The following RSPH3 variants were observed in gnomAD, a reference collection of about 807,000 sequenced individuals.
The protein encoded by RSPH3 is radial spoke head protein 3 homolog.
RSPH3 carries 21 observed loss-of-function variants against 43.8 expected under a neutral mutation model. The observed-to-expected ratio is 0.48, with a 90% CI of 0.34 to 0.69. RSPH3 has a LOEUF of 0.69. RSPH3 is among the 30% of genes least tolerant of loss of function. RSPH3 has a pLI of 0.01. For missense variants in RSPH3, 487 were observed against 516.0 expected, an observed-to-expected ratio of 0.94 and a Z score of 0.54; for synonymous variants, 173 against 179.8, an observed-to-expected ratio of 0.96 and a Z score of 0.30.
At position 158,993,929 on chromosome 6, in the gene RSPH3, G is replaced by A. The variant is rs757465736; in HGVS notation, c.117-3C>T. 1 of 1,580,794 alleles carries A rather than the reference G, an allele frequency of 6.3e-7. No homozygotes were observed. The highest frequency in any genetic ancestry group is 1.3e-5 in the African/African-American group (1 of 74,110). ...CATAATGCATAGGTTCTTCATCTCTGTAAAACAGAAAATTCTGTATAACCA... is the reference window on the plus strand; with the variant it reads ...CATAATGCATAGGTTCTTCATCTCTATAAAACAGAAAATTCTGTATAACCA... On this transcript the variant is annotated splice_region_variant and splice_polypyrimidine_tract_variant and intron_variant, in intron 1 of 7. Coordinates refer to ENST00000367069, the MANE Select transcript of RSPH3 (RefSeq NM_031924.8).
the RSPH3 span, among the ~76,000 whole-genome samples, chr6:158,966,887 G>A: frequency 0.018 from 2,724 of 151,086 alleles, 35 homozygotes; most frequent in Middle Eastern, 0.024. Context: ...TCTTCTTTTC[G>A]TTTTTTAAGG....
In RSPH3 at chr6:158,986,327, T is replaced by C; in HGVS notation, c.299A>G (p.Gln100Arg). The stretch of plus-strand genomic sequence containing the variant: ...TCTGCCTTCCACAGGTTCAGGTGTT[T>C]GTGGTCTGAGCTGCTCTTGGGCTTG... Reference protein sequence around the residue: ...RKQAQEQLRPQTPEPVEGRKH... With the variant: ...RKQAQEQLRPRTPEPVEGRKH... Residue 100 changes from glutamine to arginine, a missense_variant, in exon 3 of 8, where the codon CAA becomes CGA. Coordinates refer to ENST00000367069, the MANE Select transcript of RSPH3 (RefSeq NM_031924.8). The C allele has an allele frequency of 1.9e-6, 3 of 1,614,218 alleles. No individual in the cohort carries two copies. The highest frequency in any genetic ancestry group is 2.5e-6 in the Non-Finnish European group (3 of 1,180,032).
In RSPH3 at chr6:158,986,403, G is replaced by A. The variant is rs1162555000; in HGVS notation, c.223C>T (p.Leu75=). 6.2e-7 allele frequency: 1 copy of A among 1,613,706 alleles called. No individual in the cohort carries two copies. The highest frequency in any genetic ancestry group is 1.1e-5 in the South Asian group (1 of 91,022). ...GCCTCCCGTTGTCTCTGGAGCTCTA[G>A]AGAATCAGGCCGTCCGAGCTAACAG... ...TGPLLGRPDS[L]ELQRQREARK... Residue 75 remains leucine, a synonymous_variant, in exon 3 of 8, where the codon CTA becomes TTA. Transcript: ENST00000367069.
intron 4 of RSPH3, 142 bp downstream of exon 4, chr6:158,983,520 C>G: frequency 1.4e-6 from 1 of 719,956 alleles, no homozygotes; most frequent in Non-Finnish European, 2.5e-6. Flanking sequence ...TATGATAAAA[C>G]CATTATAGAT....
At chr6:158,968,010 A>C (rs954368798), downstream of RSPH3, among the ~76,000 whole-genome samples, 1 of 152,196 alleles carries the variant, frequency 6.6e-6, no homozygotes. Flanking sequence ...ATTTTTAATA[A>C]AAACCCTCAT....
Position 158,986,149 on chromosome 6 carries a change from C to T in RSPH3, c.346+131G>A, listed in dbSNP as rs1778231119. ...GTATTTCTTTAATAAAGGAACTTCC[C>T]TACCATGTGATCGGGGAAGTATCAG... On this transcript the variant is annotated intron_variant, in intron 3 of 7. Transcript: ENST00000367069. 3.4e-6 allele frequency: 3 copies of T among 888,486 alleles called. No individual in the cohort carries two copies. In the South Asian group the frequency reaches 5.3e-5, roughly 16 times the overall value. 55.0% of individuals were successfully genotyped at this position (888,486 alleles called of 1,614,324 possible).
intron 1 of RSPH3, among the ~76,000 whole-genome samples, chr6:158,997,100 T>C (rs1380628915): frequency 6.6e-6 from 1 of 152,062 alleles, no homozygotes; most frequent in Non-Finnish European, 1.5e-5. Context: ...CATCATGTTA[T>C]GAAACAACAA....
chr6:158,990,073 C>T (rs2128609169), intron 2 of RSPH3, among the ~76,000 whole-genome samples: 1 of 152,324 alleles, frequency 6.6e-6, no homozygotes, highest in South Asian at 2.1e-4. Context: ...ACACTGAACT[C>T]CAAGTTCTTC....
chr6:158,992,149 C>T (rs3127180), intron 2 of RSPH3, among the ~76,000 whole-genome samples: 75,367 of 150,458 alleles, frequency 0.5, 20,174 homozygotes, highest in South Asian at 0.61. Context: ...AACATTCTCT[C>T]TAACGTGGAT....
Position 159,000,043 on chromosome 6 carries a change from G to C in RSPH3, c.-493C>G. On this transcript the variant is annotated 5_prime_UTR_variant, in exon 1 of 8. Transcript: ENST00000367069. ...CTTTGGAATGTGGCTTTGCAGGGCT[G>C]GTGTTGGCGCCATTCTCGCAGGCCC... 6.8e-7 allele frequency: 1 copy of C among 1,462,478 alleles called. No homozygotes were observed. The highest frequency in any genetic ancestry group is 1.4e-5 in the African/African-American group (1 of 70,686). 90.6% of individuals were successfully genotyped at this position (1,462,478 alleles called of 1,614,324 possible).
rs555642047 is a variant in RSPH3, at chr6:158,985,269, C to T, written c.346+1011G>A. 1.8e-4 allele frequency among the ~76,000 whole-genome samples: 27 copies of T among 152,248 alleles called. No homozygotes were observed. The South Asian group carries it at 3.9e-3, about 22-fold the overall frequency. On this transcript the variant is annotated intron_variant, in intron 3 of 7. Coordinates refer to ENST00000367069, the MANE Select transcript of RSPH3 (RefSeq NM_031924.8). ...AGAAGAGGCTGGTGTGAGAGGCAGACGACTCAGATGGGAGTGGGTTTACTA... is the reference window on the plus strand; with the variant it reads ...AGAAGAGGCTGGTGTGAGAGGCAGATGACTCAGATGGGAGTGGGTTTACTA...
intron 2 of RSPH3, among the ~76,000 whole-genome samples, chr6:158,992,347 A>C (rs1778441610): frequency 2.6e-5 from 4 of 151,838 alleles, no homozygotes; most frequent in Admixed American, 2.0e-4. Flanking sequence ...TGGTGTGATC[A>C]CAGCTCACTG....
At position 158,980,406 on chromosome 6, in the gene RSPH3, G is replaced by A. The variant is rs982497591; in HGVS notation, c.859+368C>T. On this transcript the variant is annotated intron_variant, in intron 6 of 7. Transcript: ENST00000367069. The stretch of plus-strand genomic sequence containing the variant: ...ATTGCGCCACTACACTCCATCCTGG[G>A]CAAAAGAATGAGACTCTGTCTCAAA... 2.7e-5 allele frequency among the ~76,000 whole-genome samples: 4 copies of A among 149,452 alleles called. No individual in the cohort carries two copies. The Admixed American group carries it at 2.7e-4, about 10-fold the overall frequency.
chr6:158,984,080 G>A, intron 3 of RSPH3, among the ~76,000 whole-genome samples: 1 of 152,020 alleles, frequency 6.6e-6, no homozygotes, highest in East Asian at 1.9e-4. Context: ...GTTGCAGTGA[G>A]CCAATATCGT....
chr6:158,972,323 C>T (rs1425163549), downstream of RSPH3, among the ~76,000 whole-genome samples: 1 of 152,070 alleles, frequency 6.6e-6, no homozygotes, highest in Non-Finnish European at 1.5e-5. Flanking sequence ...ACTAACTGAC[C>T]ATCTGTTAAG....
intron 2 of RSPH3, among the ~76,000 whole-genome samples, chr6:158,992,310 C>T (rs530491083): frequency 1.7e-4 from 26 of 152,076 alleles, no homozygotes; most frequent in Non-Finnish European, 3.5e-4. Context: ...GACAGGGTTT[C>T]CCTCTGTCAC....
rs199556331 is a variant in RSPH3, at chr6:158,977,212, TA to T, written c.*325del. On this transcript the variant is annotated 3_prime_UTR_variant, in exon 8 of 8. Coordinates refer to ENST00000367069, the MANE Select transcript of RSPH3 (RefSeq NM_031924.8). ...ATTGAACATTAAATATCATACTTAC[TA>T]AAAAAAACTAACCCGCAAAATTAGA... is the stretch of plus-strand genomic sequence containing the variant. The T allele has an allele frequency of 5.1e-5, 13 of 254,846 alleles. No homozygotes were observed. The highest frequency in any genetic ancestry group is 2.0e-4 in the African/African-American group (9 of 44,366). The allele number at this position is 254,846 out of a possible 1,614,324, so 15.8% of individuals were successfully genotyped here.
At chr6:158,966,829 T>C in the RSPH3 span, among the ~76,000 whole-genome samples, 1 of 152,236 alleles carries the variant, frequency 6.6e-6, no homozygotes, top group Non-Finnish European at 1.5e-5. Flanking sequence ...TTATTTCTGC[T>C]CTAATCTTTA....
At chr6:158,965,342 T>C in the RSPH3 span, among the ~76,000 whole-genome samples, 1 of 152,128 alleles carries the variant, frequency 6.6e-6, no homozygotes, top group Admixed American at 6.5e-5. Flanking sequence ...TTTTGATTGG[T>C]ATTGCATTGA....
Sources: allele counts gnomAD v4.1 joint callset (sites outside exome capture counted in the v4.1 genomes callset), GRCh38; gene constraint gnomAD v4.1.1; transcripts MANE v1.5; gene names NCBI Gene and HGNC (gene_info 2026-07-23, HGNC 2026-07-21).